The following EIF4B variants were observed in gnomAD, a reference collection of about 807,000 sequenced individuals.
The protein encoded by EIF4B is eukaryotic translation initiation factor 4B.
A neutral mutation model predicts 79.3 loss-of-function variants in EIF4B; 8 were observed. That is an observed-to-expected ratio of 0.10 (90% CI 0.06 to 0.18). The LOEUF (loss-of-function observed/expected upper bound fraction) is 0.18, where lower values mean the gene tolerates loss of function less well. Among genes scored for constraint, EIF4B ranks in the 10% least tolerant of loss-of-function variants. The pLI is 1.00. For synonymous variants in EIF4B, 238 were observed against 274.7 expected (o/e 0.87, Z 1.32); for missense variants, 515 against 792.4 (o/e 0.65, Z 4.20).
chr12:53,038,253 GTT>G (rs1306645646), intron 11 of EIF4B, 101 bp from the exon 12 acceptor site: 14 of 970,366 alleles, frequency 1.4e-5, no homozygotes, highest in Non-Finnish European at 2.1e-5. Context: ...GTATGATTTT[GTT>G]TTCTATAAAG....
intron 1 of EIF4B, among the ~76,000 whole-genome samples, chr12:53,010,986 G>A (rs927382730): frequency 3.3e-5 from 5 of 152,164 alleles, no homozygotes; most frequent in African/African-American, 9.7e-5. Flanking sequence ...AGTTTGGACC[G>A]TGTGCAGTGG....
At chr12:53,023,001 A>G (rs1284475951) in intron 6 of EIF4B, among the ~76,000 whole-genome samples, 1 of 152,064 alleles carries the variant, frequency 6.6e-6, no homozygotes, top group African/African-American at 2.4e-5. Flanking sequence ...CTGTCTACCA[A>G]AAAGAAAAAG....
At chr12:53,034,543 G>A (rs1943504238) in intron 9 of EIF4B, 69 bp from the exon 10 acceptor site, 3 of 1,461,302 alleles carry the variant, frequency 2.1e-6, no homozygotes, top group African/African-American at 1.4e-5. Flanking sequence ...TTCTTGAGGG[G>A]TCAGCATGGG....
At position 53,040,883 on chromosome 12, in the gene EIF4B, G is replaced by A. The variant is rs1466227734; in HGVS notation, c.*660G>A. The A allele has an allele frequency of 5.9e-5, 9 of 151,742 alleles. No individual in the cohort carries two copies. Among genetic ancestry groups the A allele is most frequent in the African/African-American group, 2.2e-4 (9 of 41,318 alleles). 9.4% of individuals were successfully genotyped at this position (151,742 alleles called of 1,614,324 possible). ...TTGGACCAAAATAAATGGGAAAATC[G>A]TGGTTTGAAAAGAAGCTTTTGGGAA... On this transcript the variant is annotated 3_prime_UTR_variant, in exon 15 of 15. Transcript: ENST00000262056.
At chr12:53,015,059 GTGTTTTCC>G (rs1430946297) in intron 1 of EIF4B, 1 of 152,216 alleles carries the variant, frequency 6.6e-6, no homozygotes, top group Non-Finnish European at 1.5e-5. Context: ...GGGTTTTCGT[GTGTTTTCC>G]TTTTAGCATT....
At chr12:53,017,074 GA>G (rs1241439933) in intron 2 of EIF4B, among the ~76,000 whole-genome samples, 1 of 152,070 alleles carries the variant, frequency 6.6e-6, no homozygotes, top group East Asian at 1.9e-4. Flanking sequence ...CCAACATGGT[GA>G]AAACCCATCT....
intron 4 of EIF4B, among the ~76,000 whole-genome samples, chr12:53,020,819 T>G (rs994822883): frequency 1.3e-5 from 2 of 152,188 alleles, no homozygotes; most frequent in African/African-American, 2.4e-5. Flanking sequence ...TAAATGCATA[T>G]GAAGGTCTAA....
At position 53,028,136 on chromosome 12, in the gene EIF4B, G is replaced by T. The variant is rs200024385; in HGVS notation, c.927G>T (p.Ser309=). The part of the protein sequence containing the change: ...EDRYDRRDDR[S]WSSRDDYSRD... Reference sequence around the variant, plus strand: ...GATATGACAGACGGGATGATCGGTCGTGGAGCTCCAGAGATGATTACTCTC... The same window carrying T: ...GATATGACAGACGGGATGATCGGTCTTGGAGCTCCAGAGATGATTACTCTC... Residue 309 remains serine, a synonymous_variant, in exon 8 of 15, where the codon TCG becomes TCT. Transcript: ENST00000262056. The T allele has an allele frequency of 5.6e-6, 9 of 1,613,792 alleles. No individual in the cohort carries two copies. In the Admixed American group the frequency reaches 1.3e-4, roughly 24 times the overall value.
Position 53,028,088 on chromosome 12 carries a change from A to T in EIF4B, c.879A>T (p.Gly293=). ...SGYRRDDDYR[G]GGDRYEDRYD... ...ATCGCAGGGATGATGACTACAGAGG[A>T]GGCGGGGACCGCTATGAAGACCGAT... is the stretch of plus-strand genomic sequence containing the variant. The change falls in exon 8 of 15, where the codon GGA becomes GGT. Residue 293 remains glycine (G), a synonymous_variant. Coordinates refer to ENST00000262056, the MANE Select transcript of EIF4B (RefSeq NM_001417.7). 1 of 1,614,038 alleles carries T rather than the reference A, an allele frequency of 6.2e-7. No homozygotes were observed. Among genetic ancestry groups the T allele is most frequent in the East Asian group, 2.2e-5 (1 of 44,894 alleles).
rs371572038 is a variant in EIF4B, at chr12:53,027,935, G to A, written c.805+16G>A. Reference sequence around the variant, plus strand: ...TATGATAGAGGTAATTGTAAAACATGTCGAATTGCTCTTTCAGTAACTTTG... The same window carrying A: ...TATGATAGAGGTAATTGTAAAACATATCGAATTGCTCTTTCAGTAACTTTG... On this transcript the variant is annotated intron_variant, in intron 7 of 14. Transcript: ENST00000262056. 1.2e-6 allele frequency: 2 copies of A among 1,610,302 alleles called. No homozygotes were observed. The highest frequency in any genetic ancestry group is 1.7e-5 in the Admixed American group (1 of 59,450).
chr12:53,028,217 G>A (rs752824120), intron 8 of EIF4B, 29 bp downstream of exon 8: 6 of 1,540,048 alleles, frequency 3.9e-6, no homozygotes, highest in African/African-American at 1.4e-5. Flanking sequence ...CGTACTTCAT[G>A]GAGCAGAAAC....
chr12:53,010,177 G>A (rs1943040639), intron 1 of EIF4B, among the ~76,000 whole-genome samples: 1 of 152,196 alleles, frequency 6.6e-6, no homozygotes, highest in Non-Finnish European at 1.5e-5. Context: ...GAGTATCCCT[G>A]GAGGGATAAG....
At chr12:53,031,687 A>G (rs755623427) in intron 8 of EIF4B, among the ~76,000 whole-genome samples, 1 of 152,276 alleles carries the variant, frequency 6.6e-6, no homozygotes, top group Non-Finnish European at 1.5e-5. Flanking sequence ...GAACATATAT[A>G]AACTGTCGGC....
At chr12:53,019,641 C>T (rs11170377) in intron 3 of EIF4B, among the ~76,000 whole-genome samples, 27,862 of 145,840 alleles carry the variant, frequency 0.19, 4,052 homozygotes, top group East Asian at 0.54. Flanking sequence ...GCTGGGACTA[C>T]AGGCATGAGC....
chr12:53,037,324 G>A, intron 10 of EIF4B, 85 bp from the exon 11 acceptor site: 1 of 1,465,680 alleles, frequency 6.8e-7, no homozygotes, highest in South Asian at 1.3e-5. Flanking sequence ...CTTGGATGTG[G>A]ACCATTTTCC....
At position 53,019,023 on chromosome 12, in the gene EIF4B, T is replaced by G; in HGVS notation, c.360+17T>G. 1.2e-6 allele frequency: 2 copies of G among 1,611,298 alleles called. No homozygotes were observed. Among genetic ancestry groups the G allele is most frequent in the South Asian group, 2.2e-5 (2 of 90,872 alleles). On this transcript the variant is annotated intron_variant, in intron 3 of 14. Coordinates refer to ENST00000262056, the MANE Select transcript of EIF4B (RefSeq NM_001417.7). ...GGATTAAATGTAAGTGTAAAAGTTG[T>G]AATAATTAACTAGATATTGAGGATA...
In EIF4B at chr12:53,018,987, A is replaced by C. The variant is rs762581297; in HGVS notation, c.341A>C (p.Glu114Ala). 5.0e-6 allele frequency: 8 copies of C among 1,613,862 alleles called. No individual in the cohort carries two copies. The South Asian group carries it at 7.7e-5, about 16-fold the overall frequency. The stretch of plus-strand genomic sequence containing the variant: ...GATGTTACAGAAGAGTCAATTAAGG[A>C]ATTCTTTCGAGGATTAAATGTAAGT... ...PYDVTEESIK[E>A]FFRGLNISAV... The change falls in exon 3 of 15, where the codon GAA becomes GCA. Residue 114 changes from glutamate (E) to alanine (A), a missense_variant. Glu to Ala is a moderately radical substitution (Grantham distance 107, BLOSUM62 -1). This residue lies in a region of EIF4B where 105 missense variants were observed against 177.2 expected (regional missense o/e 0.59). Coordinates refer to ENST00000262056, the MANE Select transcript of EIF4B (RefSeq NM_001417.7).
chr12:53,027,137 A>AGTTTTTTTTTTTTTTTTTTTT (rs1491387300), intron 6 of EIF4B, among the ~76,000 whole-genome samples: 1 of 25,722 alleles, frequency 3.9e-5, no homozygotes, highest in Admixed American at 9.5e-4. Flanking sequence ...AAAAAAAAAA[A>AGTTTTTTTTTTTTTTTTTTTT]TTTTTTTTTT....
intron 1 of EIF4B, among the ~76,000 whole-genome samples, chr12:53,007,811 G>A (rs1942994358): frequency 6.6e-6 from 1 of 152,142 alleles, no homozygotes; most frequent in African/African-American, 2.4e-5. Context: ...TCTTTCATTG[G>A]TGTAACGCTT....
Sources: allele counts gnomAD v4.1 joint callset (sites outside exome capture counted in the v4.1 genomes callset), GRCh38; gene constraint gnomAD v4.1.1; regional missense constraint gnomAD v4.1.1; transcripts MANE v1.5; gene names NCBI Gene and HGNC (gene_info 2026-07-23, HGNC 2026-07-21).